The following ZNF662 variants were observed in gnomAD, a reference collection of about 807,000 sequenced individuals.
ZNF662 encodes zinc finger protein 662.
In ZNF662, 14 loss-of-function variants were observed where a neutral mutation model predicts 12.4. The observed-to-expected ratio is 1.13, with a 90% CI of 0.75 to 1.77. ZNF662 has a LOEUF of 1.77. Among genes scored for constraint, ZNF662 ranks in the 40% most tolerant of loss-of-function variants. The probability of loss-of-function intolerance (pLI) is 0.00; values close to 1 mark genes in which losing one functional copy is unlikely to be tolerated. For synonymous variants in ZNF662, 184 were observed against 176.4 expected (o/e 1.04, Z -0.34); for missense variants, 550 against 515.6 (o/e 1.07, Z -0.65).
rs1222095108 is a variant in ZNF662 at position 42,914,898 on chromosome 3, C to A, written c.825C>A (p.Pro275=). Residue 275 remains proline, a synonymous_variant, in exon 5 of 5, where the codon CCC becomes CCA. Coordinates refer to ENST00000440367, the MANE Select transcript of ZNF662 (RefSeq NM_207404.4). ...RHQRIHTGEK[P]FECKECGKGF... ...AGAGAATACATACTGGAGAGAAACC[C>A]TTTGAATGTAAGGAATGTGGGAAGG... is the stretch of plus-strand genomic sequence containing the variant. 1 of 1,614,160 alleles carries A rather than the reference C, an allele frequency of 6.2e-7. No homozygotes were observed. The highest frequency in any genetic ancestry group is 1.1e-5 in the South Asian group (1 of 91,076).
At chr3:42,908,741 A>T (rs941412248) in intron 2 of ZNF662, 52 bp from the exon 3 acceptor site, 23 of 1,577,704 alleles carry the variant, frequency 1.5e-5, no homozygotes, top group Non-Finnish European at 2.0e-5. Context: ...GAGCCTTGGG[A>T]TTACTGTGTG....
rs1286893522 is a variant in ZNF662 at position 42,918,945 on chromosome 3, T to G, written c.*3591T>G. ...AACTGGTAGCTATAGTTATGCCTGCTAAGATTGGGGTGTTTGGGGCTTGGC... is the reference window on the plus strand; with the variant it reads ...AACTGGTAGCTATAGTTATGCCTGCGAAGATTGGGGTGTTTGGGGCTTGGC... On this transcript the variant is annotated 3_prime_UTR_variant, in exon 5 of 5. Transcript: ENST00000440367. Among the ~76,000 whole-genome samples the G allele has an allele frequency of 6.6e-6, 1 of 152,310 alleles. No homozygotes were observed. Among genetic ancestry groups the G allele is most frequent in the East Asian group, 1.9e-4 (1 of 5,188 alleles).
At position 42,917,532 on chromosome 3, in the gene ZNF662, G is replaced by A. The variant is rs1177021163; in HGVS notation, c.*2178G>A. On this transcript the variant is annotated 3_prime_UTR_variant, in exon 5 of 5. Transcript: ENST00000440367. Reference sequence around the variant, plus strand: ...AAAGAAAACAGTGACTAAACAGAGAGAAACTAGGTCCTTGGTGACATCTTT... The same window carrying A: ...AAAGAAAACAGTGACTAAACAGAGAAAAACTAGGTCCTTGGTGACATCTTT... The A allele has an allele frequency of 1.4e-6, 1 of 702,892 alleles. No individual in the cohort carries two copies. Among genetic ancestry groups the A allele is most frequent in the South Asian group, 1.5e-5 (1 of 67,586 alleles). 43.5% of individuals were successfully genotyped at this position (702,892 alleles called of 1,614,324 possible).
At position 42,918,159 on chromosome 3, in the gene ZNF662, T is replaced by C. The variant is rs1214808454; in HGVS notation, c.*2805T>C. 6.6e-6 allele frequency among the ~76,000 whole-genome samples: 1 copy of C among 152,230 alleles called. No homozygotes were observed. Among genetic ancestry groups the C allele is most frequent in the Non-Finnish European group, 1.5e-5 (1 of 68,054 alleles). ...CTCTCATGACCTAAGGTTAATTTCA[T>C]GCATACTACTAAGTGATGCTTTAAG... is the stretch of plus-strand genomic sequence containing the variant. On this transcript the variant is annotated 3_prime_UTR_variant, in exon 5 of 5. Coordinates refer to ENST00000440367, the MANE Select transcript of ZNF662 (RefSeq NM_207404.4).
chr3:42,912,668 TTTTTATATATATAA>T (rs2088831003), intron 3 of ZNF662, among the ~76,000 whole-genome samples: 5 of 52,360 alleles, frequency 9.5e-5, no homozygotes, highest in African/African-American at 3.4e-4. Context: ...ATATATATAT[TTTTTATATATATAA>T]ATATATATAT....
chr3:42,914,580 T>C lies in ZNF662; in HGVS notation c.507T>C (p.Ser169=). 1 of 1,614,028 alleles carries C rather than the reference T, an allele frequency of 6.2e-7. No homozygotes were observed. Among genetic ancestry groups the C allele is most frequent in the Non-Finnish European group, 8.5e-7 (1 of 1,179,992 alleles). ...ATGAGATGATCTCAGTAGAAGAGAGTTCAGGGAATACTGATGTCAATAACC... is the reference window on the plus strand; with the variant it reads ...ATGAGATGATCTCAGTAGAAGAGAGCTCAGGGAATACTGATGTCAATAACC... ...VKDEMISVEE[S]SGNTDVNNLL... is the part of the protein sequence containing the mutation. The change falls in exon 5 of 5, where the codon AGT becomes AGC. Residue 169 remains serine, a synonymous_variant. Transcript: ENST00000440367.
At position 42,915,069 on chromosome 3, in the gene ZNF662, C is replaced by T. The variant is rs775257196; in HGVS notation, c.996C>T (p.Tyr332=). Residue 332 remains tyrosine (Y), a synonymous_variant, in exon 5 of 5, where the codon TAC becomes TAT. Transcript: ENST00000440367. ...GAATGCACACTGGGGAGAAGCCTTA[C>T]GAATGTAAGGACTGTGGGAAGGGCT... ...HQRMHTGEKP[Y]ECKDCGKGFM... The T allele has an allele frequency of 1.5e-5, 24 of 1,613,392 alleles. No homozygotes were observed. The highest frequency in any genetic ancestry group is 6.7e-5 in the East Asian group (3 of 44,836).
At chr3:42,908,689 C>T (rs7617715) in intron 2 of ZNF662, 104 bp from the exon 3 acceptor site, 250,477 of 1,462,906 alleles carry the variant, frequency 0.17, 23,039 homozygotes, top group Non-Finnish European at 0.19. Context: ...TAGTTATTTC[C>T]GTTTTTTTCC....
chr3:42,907,979 G>A, intron 1 of ZNF662, 43 bp from the exon 2 acceptor site: 3 of 1,610,732 alleles, frequency 1.9e-6, no homozygotes, highest in Non-Finnish European at 2.5e-6. Flanking sequence ...TCTTGGCCTG[G>A]TCCTGGGGTT....
In ZNF662 at chr3:42,914,768, G is replaced by A. The variant is rs778875901; in HGVS notation, c.695G>A (p.Arg232Gln). 13 of 1,612,784 alleles carry A rather than the reference G, an allele frequency of 8.1e-6. No homozygotes were observed. Among genetic ancestry groups the A allele is most frequent in the African/African-American group, 4.0e-5 (3 of 74,498 alleles). The part of the protein sequence containing the change: ...CKECGKAFSF[R>Q]SHCIAHQRIH... The stretch of plus-strand genomic sequence containing the variant: ...GAATGTGGGAAGGCTTTCAGTTTTC[G>A]ATCACATTGCATTGCACATCAGAGA... The change falls in exon 5 of 5, where the codon CGA becomes CAA. Residue 232 changes from arginine (R) to glutamine (Q), a missense_variant. Coordinates refer to ENST00000440367, the MANE Select transcript of ZNF662 (RefSeq NM_207404.4).
chr3:42,909,562 C>G (rs1239529929), intron 3 of ZNF662, among the ~76,000 whole-genome samples: 1 of 152,224 alleles, frequency 6.6e-6, no homozygotes, highest in Non-Finnish European at 1.5e-5. Context: ...ATGGCCCGTT[C>G]TCAATGAGCT....
chr3:42,915,163 G>T lies in ZNF662; in HGVS notation c.1090G>T (p.Asp364Tyr). The change falls in exon 5 of 5, where the codon GAC (aspartate) becomes TAC (tyrosine). Residue 364 changes from aspartate (D) to tyrosine (Y), a missense_variant. Transcript: ENST00000440367. ...TGGGGACAAGCCTCATGAATGTACT[G>T]ACTGTGGGAAAAGCTTCTTTTGCAA... ...HTGDKPHECTDCGKSFFCKAH... is the reference protein window; with the variant it reads ...HTGDKPHECTYCGKSFFCKAH... 1 of 1,614,132 alleles carries T rather than the reference G, an allele frequency of 6.2e-7. No homozygotes were observed. The highest frequency in any genetic ancestry group is 1.1e-5 in the South Asian group (1 of 91,078).
chr3:42,914,704 C>A lies in ZNF662; in HGVS notation c.631C>A (p.Gln211Lys). The A allele has an allele frequency of 6.2e-7, 1 of 1,614,114 alleles. No homozygotes were observed. Among genetic ancestry groups the A allele is most frequent in the Non-Finnish European group, 8.5e-7 (1 of 1,180,024 alleles). The stretch of plus-strand genomic sequence containing the variant: ...TCAAAATGAGGACTTTGATCAACAC[C>A]AGAAAACTCATAATGGAGAGAAGGT... ...FDQNEDFDQH[Q>K]KTHNGEKVYG... is the part of the protein sequence containing the mutation. The change falls in exon 5 of 5, where the codon CAG becomes AAG. Residue 211 changes from glutamine (Q) to lysine (K), a missense_variant. Gln to Lys is a moderately conservative substitution (Grantham distance 53, BLOSUM62 1). Transcript: ENST00000440367.
chr3:42,907,847 G>C lies in ZNF662; in HGVS notation c.-93-175G>C, dbSNP rs2088704562. 18 of 985,284 alleles carry C rather than the reference G, an allele frequency of 1.8e-5. No individual in the cohort carries two copies. The South Asian group carries it at 6.1e-4, about 33-fold the overall frequency. The allele number at this position is 985,284 out of a possible 1,614,324, so 61.0% of individuals were successfully genotyped here. Reference sequence around the variant, plus strand: ...AGACATGAGAAAATTGATGGCTGATGCCTTGTCTCTTTGTACATAGGAGGC... The same window carrying C: ...AGACATGAGAAAATTGATGGCTGATCCCTTGTCTCTTTGTACATAGGAGGC... On this transcript the variant is annotated intron_variant, in intron 1 of 4. Transcript: ENST00000440367.
chr3:42,912,166 AAT>A (rs2088801861), intron 3 of ZNF662: 2 of 140,820 alleles, frequency 1.4e-5, no homozygotes, highest in Non-Finnish European at 3.0e-5. Context: ...AAAATATAAA[AAT>A]ATATAAATAT....
chr3:42,912,738 T>TATATATATATTTTTTTTATATATATCAAG (rs1559381642), intron 3 of ZNF662, among the ~76,000 whole-genome samples: 1 of 117,640 alleles, frequency 8.5e-6, no homozygotes, highest in African/African-American at 3.3e-5. Flanking sequence ...TATATATAAA[T>TATATATATATTTTTTTTATATATATCAAG]ATATATATAT....
intron 3 of ZNF662, among the ~76,000 whole-genome samples, chr3:42,911,642 G>A (rs1181371260): frequency 6.6e-6 from 1 of 152,216 alleles, no homozygotes; most frequent in Non-Finnish European, 1.5e-5. Flanking sequence ...AACAGAAAAG[G>A]TTGTCATTTG....
rs36176787 is a variant in ZNF662 at position 42,912,495 on chromosome 3, T to TTATA, written c.152-702_152-699dup. On this transcript the variant is annotated intron_variant, in intron 3 of 4. Coordinates refer to ENST00000440367, the MANE Select transcript of ZNF662 (RefSeq NM_207404.4). ...ATATTTTTATATATTTAATATATAT[T>TTATA]TATATATTATATATTTGTATATTTA... is the stretch of plus-strand genomic sequence containing the variant. 5.3e-3 allele frequency among the ~76,000 whole-genome samples: 490 copies of TTATA among 92,330 alleles called. 8 individuals are homozygous for TTATA. The highest frequency in any genetic ancestry group is 8.5e-3 in the Non-Finnish European group (450 of 52,940). The allele number at this position is 92,330 out of a possible 152,430, so 60.6% of individuals were successfully genotyped here. A position where few individuals can be genotyped will look rare whatever the true frequency, so the allele number is the denominator to read the frequency against.
In ZNF662 at chr3:42,915,426, A is replaced by G; in HGVS notation, c.*72A>G. On this transcript the variant is annotated 3_prime_UTR_variant, in exon 5 of 5. Transcript: ENST00000440367. The stretch of plus-strand genomic sequence containing the variant: ...ACCCTAGAGACAAAATGAGATGACC[A>G]TTCACAATTTGCTGTAACCCTTAAC... The G allele has an allele frequency of 7.0e-7, 1 of 1,419,444 alleles. No individual in the cohort carries two copies. Among genetic ancestry groups the G allele is most frequent in the Non-Finnish European group, 9.5e-7 (1 of 1,050,442 alleles). The allele number at this position is 1,419,444 out of a possible 1,614,324, so 87.9% of individuals were successfully genotyped here.
Sources: gnomAD v4.1 joint callset for allele counts (sites outside exome capture counted in the v4.1 genomes callset) on GRCh38, gnomAD v4.1.1 for gene constraint, MANE v1.5 for transcripts, NCBI Gene and HGNC (gene_info 2026-07-23, HGNC 2026-07-21) for gene names.